Variants in DPH6 observed in about 807,000 individuals in gnomAD.
The protein encoded by DPH6 is diphthine--ammonia ligase.
In DPH6, 33 loss-of-function variants were observed where a neutral mutation model predicts 38.2. The observed-to-expected ratio is 0.86, with a 90% CI of 0.65 to 1.15. DPH6 has a LOEUF of 1.15. Ranked by LOEUF, DPH6 falls within the 50% of genes most tolerant of loss-of-function variation. The pLI is 0.00. For synonymous variants in DPH6, 108 were observed against 103.0 expected (o/e 1.05, Z -0.30); for missense variants, 325 against 320.0 (o/e 1.02, Z -0.12).
the DPH6 span, among the ~76,000 whole-genome samples, chr15:35,194,350 CAG>C: frequency 5.9e-3 from 870 of 147,616 alleles, 7 homozygotes; most frequent in Middle Eastern, 0.017. Flanking sequence ...TGAAGCTTGA[CAG>C]AGAGTCTTCC....
chr15:35,468,796 G>A (rs979884614), intron 3 of DPH6, among the ~76,000 whole-genome samples: 7 of 152,012 alleles, frequency 4.6e-5, no homozygotes, highest in East Asian at 1.9e-4. Context: ...GGCTGGGCGC[G>A]GTGGCTCATG....
At chr15:35,237,359 C>T (rs1033115367) in intron 3 of DPH6, 15 of 1,597,696 alleles carry the variant, frequency 9.4e-6, no homozygotes, top group African/African-American at 9.4e-5. Flanking sequence ...TTTAGAGCTG[C>T]GGAACAGGAC....
At chr15:35,181,340 C>T in the DPH6 span, among the ~76,000 whole-genome samples, 1 of 151,596 alleles carries the variant, frequency 6.6e-6, no homozygotes, top group Non-Finnish European at 1.5e-5. Flanking sequence ...GCAAACTTTT[C>T]ACTTTGTTTT....
chr15:35,449,521 C>T (rs2053902789), intron 5 of DPH6, among the ~76,000 whole-genome samples: 4 of 151,848 alleles, frequency 2.6e-5, no homozygotes, highest in African/African-American at 9.7e-5. Context: ...TGAGACGTCA[C>T]GTGAACTTCA....
At chr15:35,465,099 A>G (rs1490617859) in intron 3 of DPH6, among the ~76,000 whole-genome samples, 1 of 152,204 alleles carries the variant, frequency 6.6e-6, no homozygotes, top group Non-Finnish European at 1.5e-5. Context: ...TAAATTGAAA[A>G]CAAGTGGTCC....
At chr15:35,492,373 A>G (rs777891002) in intron 3 of DPH6, among the ~76,000 whole-genome samples, 2 of 152,218 alleles carry the variant, frequency 1.3e-5, no homozygotes, top group Non-Finnish European at 2.9e-5. Flanking sequence ...AAGGAAGATT[A>G]TTCATTTACC....
At chr15:35,492,086 G>A (rs544392943) in intron 3 of DPH6, among the ~76,000 whole-genome samples, 13 of 152,218 alleles carry the variant, frequency 8.5e-5, no homozygotes, top group Non-Finnish European at 1.2e-4. Context: ...AGCCAGTGGT[G>A]TAGATTCCAG....
At chr15:35,148,979 C>T in the DPH6 span, among the ~76,000 whole-genome samples, 28 of 152,118 alleles carry the variant, frequency 1.8e-4, no homozygotes, top group Non-Finnish European at 3.2e-4. Context: ...GTCAATGTCT[C>T]CACCTGTGCT....
chr15:35,461,512 A>T (rs2141105843), intron 3 of DPH6, among the ~76,000 whole-genome samples: 1 of 152,330 alleles, frequency 6.6e-6, no homozygotes, highest in Admixed American at 6.5e-5. Context: ...ATGCACATAC[A>T]TGCTGTATAT....
intron 3 of DPH6, among the ~76,000 whole-genome samples, chr15:35,253,098 C>T (rs1315527183): frequency 2.0e-5 from 3 of 152,148 alleles, no homozygotes; most frequent in African/African-American, 7.2e-5. Context: ...TCTGAAGTAC[C>T]ATCTAATTTT....
intron 3 of DPH6, among the ~76,000 whole-genome samples, chr15:35,276,201 T>C (rs2051858168): frequency 6.6e-6 from 1 of 152,266 alleles, no homozygotes; most frequent in South Asian, 2.1e-4. Flanking sequence ...TTGAGCATTT[T>C]TTCGTATGTT....
At chr15:35,351,549 C>T (rs184220691) in intron 3 of DPH6, among the ~76,000 whole-genome samples, 1 of 151,990 alleles carries the variant, frequency 6.6e-6, no homozygotes, top group African/African-American at 2.4e-5. Context: ...TATTTTCTAT[C>T]TTTTGTGTAT....
At chr15:35,265,201 G>T (rs2051775576) in intron 3 of DPH6, among the ~76,000 whole-genome samples, 1 of 149,592 alleles carries the variant, frequency 6.7e-6, no homozygotes. Context: ...AATATAATAA[G>T]AATTAAAAAA....
At chr15:35,394,528 T>G (rs551914328) in intron 6 of DPH6, among the ~76,000 whole-genome samples, 42 of 152,282 alleles carry the variant, frequency 2.8e-4, no homozygotes, top group Middle Eastern at 3.4e-3. Context: ...AAACACAACT[T>G]AATTCTAAGA....
intron 3 of DPH6, among the ~76,000 whole-genome samples, chr15:35,498,303 C>A (rs573076470): frequency 6.6e-6 from 1 of 152,222 alleles, no homozygotes; most frequent in Non-Finnish European, 1.5e-5. Context: ...TTGTTTATAA[C>A]AAGTCATCAG....
intron 3 of DPH6, among the ~76,000 whole-genome samples, chr15:35,251,673 A>G (rs959313829): frequency 5.9e-5 from 9 of 152,222 alleles, no homozygotes; most frequent in African/African-American, 2.2e-4. Flanking sequence ...ATTAGCTGAC[A>G]TGTCTGCTTC....
At chr15:35,408,410 G>T (rs377143220) in intron 6 of DPH6, among the ~76,000 whole-genome samples, 2 of 151,970 alleles carry the variant, frequency 1.3e-5, no homozygotes, top group African/African-American at 4.8e-5. Flanking sequence ...ATGACAAAGA[G>T]AATGGCAAAA....
In DPH6 at chr15:35,282,042, A is replaced by T. The variant is rs114983217; in HGVS notation, n.201-61460T>A. Reference sequence around the variant, plus strand: ...TCAAGAATATAATATTATTCAACTCATTTTATCAGCTATTGCTTCTCCAAG... The same window carrying T: ...TCAAGAATATAATATTATTCAACTCTTTTTATCAGCTATTGCTTCTCCAAG... On this transcript the variant is annotated intron_variant and non_coding_transcript_variant, in intron 3 of 3. Transcript: ENST00000560386. Among the ~76,000 whole-genome samples the T allele has an allele frequency of 8.4e-3, 1,277 of 152,282 alleles. 20 individuals are homozygous for T. The highest frequency in any genetic ancestry group is 0.029 in the African/African-American group (1,194 of 41,556).
At chr15:35,197,393 T>C in the DPH6 span, among the ~76,000 whole-genome samples, 1 of 152,216 alleles carries the variant, frequency 6.6e-6, no homozygotes, top group Admixed American at 6.5e-5. Flanking sequence ...GCCAATCATG[T>C]AGAATTTTAC....
Sources: allele counts gnomAD v4.1 joint callset (sites outside exome capture counted in the v4.1 genomes callset), GRCh38; gene constraint gnomAD v4.1.1; transcripts MANE v1.5; gene names NCBI Gene and HGNC (gene_info 2026-07-23, HGNC 2026-07-21).